The following NKAPD1 variants were observed in gnomAD, a reference collection of about 807,000 sequenced individuals.
The protein encoded by NKAPD1 is NKAP domain containing 1.
Under a neutral mutation model 30.9 loss-of-function variants are expected in NKAPD1, and 12 were observed. That is an observed-to-expected ratio of 0.39 (90% confidence interval 0.25 to 0.63). NKAPD1 has a LOEUF of 0.63. Ranked by LOEUF, NKAPD1 falls within the 20% of genes least tolerant of loss-of-function variation. The pLI is 0.51. For synonymous variants in NKAPD1, 91 were observed against 113.6 expected (o/e 0.80, Z 1.26); for missense variants, 311 against 344.5 (o/e 0.90, Z 0.77).
At chr11:112,076,208 C>T (rs1269012586) in intron 2 of NKAPD1, among the ~76,000 whole-genome samples, 1 of 151,998 alleles carries the variant, frequency 6.6e-6, no homozygotes, top group Non-Finnish European at 1.5e-5. Context: ...CAGGGTGTGG[C>T]ATGATCATAG....
At chr11:112,078,819 G>A (rs1174636645) in intron 3 of NKAPD1, among the ~76,000 whole-genome samples, 2 of 152,048 alleles carry the variant, frequency 1.3e-5, no homozygotes, top group Non-Finnish European at 2.9e-5. Flanking sequence ...CCCAGTGTTG[G>A]GATTATAAGC....
At chr11:112,080,263 CT>C (rs1487717076) in intron 3 of NKAPD1, 145 bp from the exon 4 acceptor site, 2 of 783,836 alleles carry the variant, frequency 2.6e-6, no homozygotes, top group Non-Finnish European at 4.0e-6. Flanking sequence ...CAGATAATGT[CT>C]TTGCCTTTTT....
rs1865268128 is a variant in NKAPD1, at chr11:112,074,588, T to C, written c.-337T>C. The C allele has an allele frequency of 2.5e-6, 1 of 398,360 alleles. No homozygotes were observed. The highest frequency in any genetic ancestry group is 4.4e-6 in the Non-Finnish European group (1 of 225,930). 24.7% of individuals were successfully genotyped at this position (398,360 alleles called of 1,614,324 possible). A position where few individuals can be genotyped will look rare whatever the true frequency, so the allele number is the denominator to read the frequency against. Reference sequence around the variant, plus strand: ...TCCCAGCCTTTCTGGGGAGTGAAACTTACCCCCGGGGTTCGTCCTAGAGGA... The same window carrying C: ...TCCCAGCCTTTCTGGGGAGTGAAACCTACCCCCGGGGTTCGTCCTAGAGGA... On this transcript the variant is annotated 5_prime_UTR_variant, in exon 1 of 6. Transcript: ENST00000393047.
chr11:112,083,212 A>G lies in NKAPD1; in HGVS notation c.*240A>G, dbSNP rs1370928158. On this transcript the variant is annotated 3_prime_UTR_variant, in exon 6 of 6. Transcript: ENST00000393047. ...CTTGAAGAGATTATTTTTTTTTGCAATTAATTACGTTTAGTGTAGAGTGCA... is the reference window on the plus strand; with the variant it reads ...CTTGAAGAGATTATTTTTTTTTGCAGTTAATTACGTTTAGTGTAGAGTGCA... The G allele has an allele frequency of 5.0e-6, 2 of 397,566 alleles. No homozygotes were observed. The highest frequency in any genetic ancestry group is 4.4e-6 in the Non-Finnish European group (1 of 226,822). 24.6% of individuals were successfully genotyped at this position (397,566 alleles called of 1,614,324 possible). A position where few individuals can be genotyped will look rare whatever the true frequency, so the allele number is the denominator to read the frequency against.
chr11:112,077,805 A>T (rs1185638446), intron 2 of NKAPD1, among the ~76,000 whole-genome samples: 22 of 151,198 alleles, frequency 1.5e-4, no homozygotes, highest in Admixed American at 1.4e-3. Flanking sequence ...TCTGTAGCCC[A>T]ATAATTAGTC....
rs1865262242 is a variant in NKAPD1 at position 112,074,467 on chromosome 11, A to G, written c.-458A>G. 2.5e-6 allele frequency: 1 copy of G among 398,892 alleles called. No individual in the cohort carries two copies. The highest frequency in any genetic ancestry group is 2.1e-5 in the African/African-American group (1 of 48,588). The allele number at this position is 398,892 out of a possible 1,614,324, so 24.7% of individuals were successfully genotyped here. On this transcript the variant is annotated 5_prime_UTR_variant, in exon 1 of 6. The change creates a new upstream start codon in the 5' untranslated region. Coordinates refer to ENST00000393047, the MANE Select transcript of NKAPD1 (RefSeq NM_018195.4). ...GGATCCCGGTGACAAAGATGGGGAT[A>G]TTTCCTCTGTCTTCCACTTGGAAAC...
Position 112,082,610 on chromosome 11 carries a change from A to T in NKAPD1, c.520A>T (p.Lys174Ter). 2 of 1,613,362 alleles carry T rather than the reference A, an allele frequency of 1.2e-6. No homozygotes were observed. The highest frequency in any genetic ancestry group is 1.7e-6 in the Non-Finnish European group (2 of 1,179,934). Reference protein sequence around the residue: ...KRSHKKQKKSKKEATDITADS... With the variant: ...KRSHKKQKKS ...GTCACACAAAAAACAGAAGAAAAGC[A>T]AAAAGGAAGCCACAGATATAACAGC... is the stretch of plus-strand genomic sequence containing the variant. Residue 174 changes from lysine to a stop codon, truncating the protein, a stop_gained, in exon 6 of 6, where the codon AAA (lysine) becomes TAA (stop). Transcript: ENST00000393047. LOFTEE classifies it high-confidence loss of function.
chr11:112,074,371 T>G lies in NKAPD1; in HGVS notation c.-554T>G. On this transcript the variant is annotated 5_prime_UTR_variant, in exon 1 of 6. Coordinates refer to ENST00000393047, the MANE Select transcript of NKAPD1 (RefSeq NM_018195.4). ...GCTGCGGCGCACGGTATGGGTGTGTTTGTGTGTATTTGTGTGGGGAGGGCG... is the reference window on the plus strand; with the variant it reads ...GCTGCGGCGCACGGTATGGGTGTGTGTGTGTGTATTTGTGTGGGGAGGGCG... The G allele has an allele frequency of 2.5e-6, 1 of 398,954 alleles. No homozygotes were observed. Among genetic ancestry groups the G allele is most frequent in the Non-Finnish European group, 4.4e-6 (1 of 226,062 alleles). The allele number at this position is 398,954 out of a possible 1,614,324, so 24.7% of individuals were successfully genotyped here.
rs886603235 is a variant in NKAPD1, at chr11:112,079,792, G to T, written c.171-617G>T. ...GCTTTGCAATAGGATGGGTACTAAT[G>T]GTCAGATTTTTTTCTTTTTTTCTTT... On this transcript the variant is annotated intron_variant, in intron 3 of 5. Transcript: ENST00000393047. Among the ~76,000 whole-genome samples the T allele has an allele frequency of 3.3e-5, 5 of 151,778 alleles. No homozygotes were observed. In the East Asian group the frequency reaches 9.7e-4, roughly 29 times the overall value.
At chr11:112,077,217 T>C (rs1464727492) in intron 2 of NKAPD1, among the ~76,000 whole-genome samples, 2 of 152,252 alleles carry the variant, frequency 1.3e-5, no homozygotes, top group Non-Finnish European at 2.9e-5. Context: ...TATGCAATTA[T>C]GTTAACCTGC....
Position 112,078,330 on chromosome 11 carries a change from C to G in NKAPD1, c.170+15C>G, listed in dbSNP as rs1865375656. On this transcript the variant is annotated intron_variant, in intron 3 of 5. Coordinates refer to ENST00000393047, the MANE Select transcript of NKAPD1 (RefSeq NM_018195.4). ...AGCAGTTCAAGGTGAAGTTGCAGCTCTGAGAACTAAAATAATTCTCATCTT... is the reference window on the plus strand; with the variant it reads ...AGCAGTTCAAGGTGAAGTTGCAGCTGTGAGAACTAAAATAATTCTCATCTT... The G allele has an allele frequency of 3.8e-6, 6 of 1,558,770 alleles. No homozygotes were observed. Among genetic ancestry groups the G allele is most frequent in the Non-Finnish European group, 5.3e-6 (6 of 1,134,394 alleles).
Position 112,082,551 on chromosome 11 carries a change from CAAAG to C in NKAPD1, c.465_468del (p.Lys155AsnfsTer25). ...CATGAATCCCGCAAACACAAGAAGT[CAAAG>C]AAATCCCACAAAAAAAAGCAGAAAA... is the stretch of plus-strand genomic sequence containing the variant. On this transcript the variant is annotated frameshift_variant, in exon 6 of 6. Coordinates refer to ENST00000393047, the MANE Select transcript of NKAPD1 (RefSeq NM_018195.4). LOFTEE classifies it high-confidence loss of function. 1 of 1,609,514 alleles carries C rather than the reference CAAAG, an allele frequency of 6.2e-7. No individual in the cohort carries two copies. The highest frequency in any genetic ancestry group is 8.5e-7 in the Non-Finnish European group (1 of 1,178,968).
At position 112,083,681 on chromosome 11, in the gene NKAPD1, A is replaced by G. The variant is rs1347031810; in HGVS notation, c.*709A>G. 1 of 152,608 alleles carries G rather than the reference A, an allele frequency of 6.6e-6. No individual in the cohort carries two copies. The highest frequency in any genetic ancestry group is 1.9e-4 in the East Asian group (1 of 5,190). 9.5% of individuals were successfully genotyped at this position (152,608 alleles called of 1,614,324 possible). On this transcript the variant is annotated 3_prime_UTR_variant, in exon 6 of 6. Coordinates refer to ENST00000393047, the MANE Select transcript of NKAPD1 (RefSeq NM_018195.4). ...GTTCCATTGCTGTATATTTGCCTAA[A>G]TGGACTTGTGTTCAAATTATTTCTT...
chr11:112,082,810 G>A lies in NKAPD1; in HGVS notation c.720G>A (p.Glu240=), dbSNP rs762234464. The A allele has an allele frequency of 6.2e-7, 1 of 1,613,866 alleles. No individual in the cohort carries two copies. Among genetic ancestry groups the A allele is most frequent in the East Asian group, 2.2e-5 (1 of 44,890 alleles). Residue 240 remains glutamate, a synonymous_variant, in exon 6 of 6, where the codon GAG becomes GAA. Transcript: ENST00000393047. ...ATGATTCAGCATCCAGCAGTTCTGA[G>A]GAAAGTGAGGAAAGAGACACTAAGA... The part of the protein sequence containing the change: ...HSDDSASSSS[E]ESEERDTKKT...
rs186712730 is a variant in NKAPD1 at position 112,077,702 on chromosome 11, A to G, written c.70-513A>G. On this transcript the variant is annotated intron_variant, in intron 2 of 5. Transcript: ENST00000393047. The stretch of plus-strand genomic sequence containing the variant: ...AGCGGTTTAAAAATTCTATTGGGGA[A>G]GATTTCCACATATTTGAGATTTACT... Among the ~76,000 whole-genome samples the G allele has an allele frequency of 2.9e-3, 442 of 152,292 alleles. 1 individual carries two copies. The highest frequency in any genetic ancestry group is 5.3e-3 in the Non-Finnish European group (362 of 68,026).
At chr11:112,080,380 T>A (rs752439496) in intron 3 of NKAPD1, 29 bp from the exon 4 acceptor site, 38 of 1,608,782 alleles carry the variant, frequency 2.4e-5, no homozygotes, top group Non-Finnish European at 3.1e-5. Context: ...TGCTTTTACA[T>A]CTAAAAGTTC....
rs1865488625 is a variant in NKAPD1, at chr11:112,082,858, GAAAA to G, written c.771_774del (p.Lys258ProfsTer5). 6.2e-7 allele frequency: 1 copy of G among 1,613,756 alleles called. No homozygotes were observed. The highest frequency in any genetic ancestry group is 1.3e-5 in the African/African-American group (1 of 74,940). On this transcript the variant is annotated frameshift_variant, in exon 6 of 6. Coordinates refer to ENST00000393047, the MANE Select transcript of NKAPD1 (RefSeq NM_018195.4). LOFTEE classifies it high-confidence loss of function. The stretch of plus-strand genomic sequence containing the variant: ...AGAAAACCAAAAGGAAAAAGAGAGA[GAAAA>G]AAGCCCATACCTCTGTAGCCAACAA...
intron 4 of NKAPD1, 45 bp downstream of exon 4, chr11:112,080,603 G>A (rs370561773): frequency 1.8e-5 from 29 of 1,580,138 alleles, no homozygotes; most frequent in Middle Eastern, 1.7e-4. Flanking sequence ...GCCTGAGAAC[G>A]TGTACTTATC....
At chr11:112,078,193 A>T (rs1422499536) in intron 2 of NKAPD1, 22 bp from the exon 3 acceptor site, 6 of 1,536,270 alleles carry the variant, frequency 3.9e-6, no homozygotes, top group African/African-American at 1.4e-5. Flanking sequence ...ACTTATTTTT[A>T]TTTCCTTTTT....
Sources: gnomAD v4.1 joint callset for allele counts (sites outside exome capture counted in the v4.1 genomes callset) on GRCh38, gnomAD v4.1.1 for gene constraint, MANE v1.5 for transcripts, NCBI Gene and HGNC (gene_info 2026-07-23, HGNC 2026-07-21) for gene names.